The following HHIPL1 variants were observed in gnomAD, a reference collection of about 807,000 sequenced individuals.
HHIPL1 encodes the protein HHIP like 1.
HHIPL1 carries 43 observed loss-of-function variants against 61.8 expected under a neutral mutation model. That is an observed-to-expected ratio of 0.70 (90% confidence interval 0.55 to 0.90). The LOEUF is 0.90. Ranked by LOEUF, HHIPL1 falls within the 40% of genes least tolerant of loss-of-function variation. The probability of loss-of-function intolerance (pLI) is 0.00; values close to 1 mark genes in which losing one functional copy is unlikely to be tolerated. For synonymous variants in HHIPL1, 482 were observed against 515.8 expected, an observed-to-expected ratio of 0.93 and a Z score of 0.89; for missense variants, 1,056 against 1,157.7, an observed-to-expected ratio of 0.91 and a Z score of 1.28.
the HHIPL1 span, among the ~76,000 whole-genome samples, chr14:99,628,679 G>T: frequency 6.6e-6 from 1 of 152,054 alleles, no homozygotes; most frequent in Non-Finnish European, 1.5e-5. Flanking sequence ...AGGTAAGTGG[G>T]GGTCACAGGT....
At chr14:99,673,888 C>A (rs1448202502) in intron 8 of HHIPL1, among the ~76,000 whole-genome samples, 1 of 58,942 alleles carries the variant, frequency 1.7e-5, no homozygotes, top group Non-Finnish European at 3.2e-5. Context: ...GGGGGTGCAC[C>A]TGGGGGAGTG....
At chr14:99,663,755 G>A (rs2056194775) in intron 6 of HHIPL1, among the ~76,000 whole-genome samples, 1 of 152,110 alleles carries the variant, frequency 6.6e-6, no homozygotes, top group Non-Finnish European at 1.5e-5. Context: ...GGAAGTAGTG[G>A]CCCCTTTCTT....
At position 99,668,271 on chromosome 14, in the gene HHIPL1, C is replaced by A. The variant is rs199864052; in HGVS notation, c.1698C>A (p.Arg566=). 4.3e-6 allele frequency: 7 copies of A among 1,611,602 alleles called. No homozygotes were observed. The South Asian group carries it at 6.6e-5, about 15-fold the overall frequency. The part of the protein sequence containing the change: ...STGEPSATAP[R]GVVYKIIDAS... Reference sequence around the variant, plus strand: ...GGGAGCCGAGTGCCACAGCTCCACGCGGAGTTGTCTACAAAATAATTGACG... The same window carrying A: ...GGGAGCCGAGTGCCACAGCTCCACGAGGAGTTGTCTACAAAATAATTGACG... Residue 566 remains arginine (R), a synonymous_variant, in exon 7 of 9, where the codon CGC becomes CGA. Coordinates refer to ENST00000330710, the MANE Select transcript of HHIPL1 (RefSeq NM_001127258.3). The surrounding 1 kb of genome is among the most constrained non-coding windows in gnomAD (Gnocchi z 4.7).
intron 1 of HHIPL1, among the ~76,000 whole-genome samples, chr14:99,652,022 T>C (rs2055939042): frequency 6.6e-6 from 1 of 152,150 alleles, no homozygotes; most frequent in Non-Finnish European, 1.5e-5. Flanking sequence ...GGAGTAGTAA[T>C]AGTGTTCTAA....
At position 99,652,810 on chromosome 14, in the gene HHIPL1, G is replaced by A. The variant is rs777982548; in HGVS notation, c.842G>A (p.Arg281His). ...GGTATCCGCAGCAGTGAGTGGATCC[G>A]CATCAGCGAGTTCAGAGTCTCCGAG... is the stretch of plus-strand genomic sequence containing the variant. ...SVGIRSSEWI[R>H]ISEFRVSEDD... The change falls in exon 2 of 9, where the codon CGC becomes CAC. Residue 281 changes from arginine (R) to histidine (H), a missense_variant. Physicochemically the swap from Arg to His is conservative, Grantham distance 29. Transcript: ENST00000330710. 17 of 1,614,084 alleles carry A rather than the reference G, an allele frequency of 1.1e-5. No homozygotes were observed. The highest frequency in any genetic ancestry group is 2.2e-5 in the East Asian group (1 of 44,888).
chr14:99,648,346 T>C (rs1478732822), intron 1 of HHIPL1, among the ~76,000 whole-genome samples: 2 of 152,190 alleles, frequency 1.3e-5, no homozygotes, highest in African/African-American at 4.8e-5. Context: ...CTTCCACAGA[T>C]GAGGACATAG....
At chr14:99,631,094 T>TC in the HHIPL1 span, among the ~76,000 whole-genome samples, 2 of 136,612 alleles carry the variant, frequency 1.5e-5, no homozygotes, top group African/African-American at 5.6e-5. Flanking sequence ...CTTTCTTTCT[T>TC]TCTTTCTTTC....
At chr14:99,630,388 T>C in the HHIPL1 span, among the ~76,000 whole-genome samples, 6 of 152,214 alleles carry the variant, frequency 3.9e-5, no homozygotes, top group African/African-American at 1.2e-4. Flanking sequence ...CAGAAAGGCC[T>C]TGGCCTCCAA....
chr14:99,673,143 T>C lies in HHIPL1; in HGVS notation c.1813+744T>C, dbSNP rs560861796. On this transcript the variant is annotated intron_variant, in intron 8 of 8. Coordinates refer to ENST00000330710, the MANE Select transcript of HHIPL1 (RefSeq NM_001127258.3). ...CCAAGTGGGCTCAGCAGGCCACCCATTGGCAGACTGGGTGTGTATGGGGGT... is the reference window on the plus strand; with the variant it reads ...CCAAGTGGGCTCAGCAGGCCACCCACTGGCAGACTGGGTGTGTATGGGGGT... 2.6e-5 allele frequency among the ~76,000 whole-genome samples: 4 copies of C among 152,032 alleles called. No individual in the cohort carries two copies. The South Asian group carries it at 8.3e-4, about 32-fold the overall frequency.
At chr14:99,657,719 G>A (rs1019015581) in intron 3 of HHIPL1, among the ~76,000 whole-genome samples, 1 of 151,164 alleles carries the variant, frequency 6.6e-6, no homozygotes, top group Admixed American at 6.6e-5. Context: ...ACACACACAT[G>A]TACACACATA....
intron 1 of HHIPL1, among the ~76,000 whole-genome samples, chr14:99,649,702 GGGAGGATCGTTAGA>G (rs1336923358): frequency 6.6e-6 from 1 of 152,188 alleles, no homozygotes; most frequent in Non-Finnish European, 1.5e-5. Context: ...GGCTGAGGTG[GGGAGGATCGTTAGA>G]GCCCAGGAGG....
In HHIPL1 at chr14:99,678,885, T is replaced by TAA. The variant is rs1227012030; in HGVS notation, c.*3260_*3261insAA. On this transcript the variant is annotated 3_prime_UTR_variant, in exon 9 of 9. Coordinates refer to ENST00000330710, the MANE Select transcript of HHIPL1 (RefSeq NM_001127258.3). Reference sequence around the variant, plus strand: ...AAAAGAAACCATTATTTCTAACACTTACGATTTATTCTTTAACAAGAAGGG... The same window carrying TAA: ...AAAAGAAACCATTATTTCTAACACTTAAACGATTTATTCTTTAACAAGAAGGG... The TAA allele has an allele frequency of 6.6e-6, 1 of 152,214 alleles. No individual in the cohort carries two copies. Among genetic ancestry groups the TAA allele is most frequent in the African/African-American group, 2.4e-5 (1 of 41,448 alleles). 9.4% of individuals were successfully genotyped at this position (152,214 alleles called of 1,614,324 possible). A position where few individuals can be genotyped will look rare whatever the true frequency, so the allele number is the denominator to read the frequency against.
the HHIPL1 span, among the ~76,000 whole-genome samples, chr14:99,621,962 A>G: frequency 1.3e-5 from 2 of 151,806 alleles, no homozygotes. Flanking sequence ...TGATCCGCCC[A>G]CCTTGGCCTC....
In HHIPL1 at chr14:99,657,146, A is replaced by G. The variant is rs769383492; in HGVS notation, c.1046+3A>G. On this transcript the variant is annotated splice_donor_region_variant and intron_variant, in intron 3 of 8. Coordinates refer to ENST00000330710, the MANE Select transcript of HHIPL1 (RefSeq NM_001127258.3). ...ACATTTGGAAATGCCCAAAACAAGTATGTTCAGCTTTTGATTGGCTTGTGG... is the reference window on the plus strand; with the variant it reads ...ACATTTGGAAATGCCCAAAACAAGTGTGTTCAGCTTTTGATTGGCTTGTGG... 1.8e-5 allele frequency: 29 copies of G among 1,612,154 alleles called. No homozygotes were observed. The highest frequency in any genetic ancestry group is 2.3e-5 in the Non-Finnish European group (27 of 1,179,312).
the HHIPL1 span, among the ~76,000 whole-genome samples, chr14:99,624,050 C>A: frequency 3.3e-5 from 5 of 152,202 alleles, no homozygotes; most frequent in Non-Finnish European, 7.3e-5. Context: ...GCCTTTGAGC[C>A]CACAAGGCAG....
chr14:99,633,442 C>T, the HHIPL1 span, among the ~76,000 whole-genome samples: 1 of 152,214 alleles, frequency 6.6e-6, no homozygotes, highest in Non-Finnish European at 1.5e-5. Context: ...CCCTGGGGAC[C>T]CCAGAGCCAT....
intron 1 of HHIPL1, among the ~76,000 whole-genome samples, chr14:99,646,832 G>GATATGATATA (rs1555376306): frequency 2.6e-5 from 3 of 115,004 alleles, no homozygotes; most frequent in African/African-American, 6.4e-5. Context: ...GATATGATAT[G>GATATGATATA]ATATAATATA....
At chr14:99,605,933 G>C in the HHIPL1 span, among the ~76,000 whole-genome samples, 1 of 152,314 alleles carries the variant, frequency 6.6e-6, no homozygotes, top group Admixed American at 6.5e-5. Flanking sequence ...TCAGAGGTCA[G>C]AGGGGCCAGA....
chr14:99,647,420 G>T (rs1349569726), intron 1 of HHIPL1, among the ~76,000 whole-genome samples: 1 of 152,232 alleles, frequency 6.6e-6, no homozygotes, highest in Non-Finnish European at 1.5e-5. Context: ...CTTGCTATGT[G>T]CCAGGCTCAG....
Sources: allele counts gnomAD v4.1 joint callset (sites outside exome capture counted in the v4.1 genomes callset), GRCh38; gene constraint gnomAD v4.1.1; non-coding constraint Gnocchi (gnomAD v3.1); transcripts MANE v1.5; gene names NCBI Gene and HGNC (gene_info 2026-07-23, HGNC 2026-07-21).